FER1L5: variants seen among roughly 807,000 people sequenced by gnomAD.
FER1L5 encodes fer-1 like family member 5.
A neutral mutation model predicts 279.9 loss-of-function variants in FER1L5; 187 were observed. That is an observed-to-expected ratio of 0.67 (90% CI 0.59 to 0.75). The LOEUF is 0.75. Among genes scored for constraint, FER1L5 ranks in the 30% least tolerant of loss-of-function variants. The pLI is 0.00. For synonymous variants in FER1L5, 921 were observed against 989.7 expected (o/e 0.93, Z 1.30); for missense variants, 2,091 against 2,594.4 (o/e 0.81, Z 4.21).
rs904720028 is a variant in FER1L5 at position 96,687,801 on chromosome 2, C to G, written c.2230-15C>G. 38 of 1,550,654 alleles carry G rather than the reference C, an allele frequency of 2.5e-5. No homozygotes were observed. The highest frequency in any genetic ancestry group is 1.4e-4 in the Admixed American group (7 of 50,962). Reference sequence around the variant, plus strand: ...TGTTTAGTGCCCCTGTGGGACCGATCGGCCTCTGGCTCAGTACCCAGAGGG... The same window carrying G: ...TGTTTAGTGCCCCTGTGGGACCGATGGGCCTCTGGCTCAGTACCCAGAGGG... On this transcript the variant is annotated splice_polypyrimidine_tract_variant and intron_variant, in intron 23 of 52. Transcript: ENST00000624922.
In FER1L5 at chr2:96,691,953, C is replaced by T. The variant is rs961201367; in HGVS notation, c.3204C>T (p.Cys1068=). The change falls in exon 30 of 53, where the codon TGC becomes TGT. Residue 1068 remains cysteine (C), a synonymous_variant. Coordinates refer to ENST00000624922, the MANE Select transcript of FER1L5 (RefSeq NM_001293083.2). The surrounding 1 kb of genome is among the most constrained non-coding windows in gnomAD (Gnocchi z 6.0). ...CCCCCAACTTGCCCTTCATCTACTG[C>T]ACCTTCAATAGTAAGCACTGACTTG... The part of the protein sequence containing the change: ...TRPPNLPFIY[C]TFNKPHYYQL... 9 of 1,548,792 alleles carry T rather than the reference C, an allele frequency of 5.8e-6. No homozygotes were observed. The highest frequency in any genetic ancestry group is 7.9e-6 in the Non-Finnish European group (9 of 1,146,486).
chr2:96,691,318 A>G lies in FER1L5; in HGVS notation c.2872A>G (p.Ser958Gly). Residue 958 changes from serine to glycine, a missense_variant, in exon 28 of 53, where the codon AGC (serine) becomes GGC (glycine). By Grantham distance (56) the Ser-to-Gly change is moderately conservative (BLOSUM62 0). Coordinates refer to ENST00000624922, the MANE Select transcript of FER1L5 (RefSeq NM_001293083.2). This position sits in a 1 kb window ranked among gnomAD's most constrained non-coding sequence, Gnocchi z 6.0. ...GCGCTTCAGGAACCATGGGGAGCTGAGCCACGAGCAGGAGACCCTCTCCTT... is the reference window on the plus strand; with the variant it reads ...GCGCTTCAGGAACCATGGGGAGCTGGGCCACGAGCAGGAGACCCTCTCCTT... ...RVRFRNHGELSHEQETLSFLQ... is the reference protein window; with the variant it reads ...RVRFRNHGELGHEQETLSFLQ... The G allele has an allele frequency of 6.4e-7, 1 of 1,550,410 alleles. No individual in the cohort carries two copies. The highest frequency in any genetic ancestry group is 8.7e-7 in the Non-Finnish European group (1 of 1,146,716).
intron 12 of FER1L5, 21 bp downstream of exon 12, chr2:96,661,812 G>C: frequency 6.4e-7 from 1 of 1,550,950 alleles, no homozygotes. Context: ...GGGTGCAGGG[G>C]AGGGAGCAGC....
chr2:96,659,864 T>C (rs2075891717), intron 9 of FER1L5, among the ~76,000 whole-genome samples: 1 of 152,140 alleles, frequency 6.6e-6, no homozygotes, highest in African/African-American at 2.4e-5. Context: ...CATAATGTTC[T>C]GTGGCAGCTT....
Position 96,689,232 on chromosome 2 carries a change from A to G in FER1L5, c.2381A>G (p.Tyr794Cys). The G allele has an allele frequency of 6.4e-7, 1 of 1,550,414 alleles. No homozygotes were observed. The highest frequency in any genetic ancestry group is 2.4e-5 in the East Asian group (1 of 40,830). ...CCCTAGTATGAGAATCAGGCCAAGT[A>G]TAAAGACCAGTGGGGGCAGCAGGGG... is the stretch of plus-strand genomic sequence containing the variant. The part of the protein sequence containing the change: ...YAEMYENQAK[Y>C]KDQWGQQGLY... Residue 794 changes from tyrosine to cysteine, a missense_variant, in exon 25 of 53, where the codon TAT (tyrosine) becomes TGT (cysteine). Coordinates refer to ENST00000624922, the MANE Select transcript of FER1L5 (RefSeq NM_001293083.2). This position sits in a 1 kb window ranked among gnomAD's most constrained non-coding sequence, Gnocchi z 4.6.
Position 96,693,604 on chromosome 2 carries a change from C to T in FER1L5, c.3391C>T (p.His1131Tyr), listed in dbSNP as rs1349471543. Reference sequence around the variant, plus strand: ...ATGGGCCCAGACACTCATCTTCCAGCACCTCCTTCTGTACGAGAACCCACA... The same window carrying T: ...ATGGGCCCAGACACTCATCTTCCAGTACCTCCTTCTGTACGAGAACCCACA... ...PTWAQTLIFQ[H>Y]LLLYENPQDT... Residue 1131 changes from histidine to tyrosine, a missense_variant, in exon 32 of 53, where the codon CAC becomes TAC. By Grantham distance (83) the His-to-Tyr change is moderately conservative. Transcript: ENST00000624922. 6.4e-7 allele frequency: 1 copy of T among 1,551,730 alleles called. No homozygotes were observed. The highest frequency in any genetic ancestry group is 1.2e-5 in the South Asian group (1 of 84,060).
chr2:96,644,845 T>C (rs2075050038), intron 1 of FER1L5, among the ~76,000 whole-genome samples: 1 of 152,162 alleles, frequency 6.6e-6, no homozygotes, highest in Non-Finnish European at 1.5e-5. Flanking sequence ...TTTGCCCTGA[T>C]TGACTAATTT....
At position 96,704,655 on chromosome 2, in the gene FER1L5, G is replaced by A. The variant is rs138990767; in HGVS notation, c.6137G>A (p.Ser2046Asn). 1.9e-6 allele frequency: 3 copies of A among 1,614,000 alleles called. No homozygotes were observed. Among genetic ancestry groups the A allele is most frequent in the Non-Finnish European group, 2.5e-6 (3 of 1,179,906 alleles). Residue 2046 changes from serine to asparagine, a missense_variant, in exon 53 of 53, where the codon AGT becomes AAT. Transcript: ENST00000624922. Reference protein sequence around the residue: ...KLHPGPTNHLSDIFPELPAPG... With the variant: ...KLHPGPTNHLNDIFPELPAPG... ...CACCCAGGACCCACAAATCACCTGAGTGATATTTTCCCAGAACTTCCAGCC... is the reference window on the plus strand; with the variant it reads ...CACCCAGGACCCACAAATCACCTGAATGATATTTTCCCAGAACTTCCAGCC...
Position 96,700,340 on chromosome 2 carries a change from AC to A in FER1L5, c.4943del (p.Pro1648LeufsTer93). 1 of 1,612,840 alleles carries A rather than the reference AC, an allele frequency of 6.2e-7. No individual in the cohort carries two copies. Among genetic ancestry groups the A allele is most frequent in the Non-Finnish European group, 8.5e-7 (1 of 1,179,784 alleles). On this transcript the variant is annotated frameshift_variant, in exon 45 of 53. Coordinates refer to ENST00000624922, the MANE Select transcript of FER1L5 (RefSeq NM_001293083.2). LOFTEE classifies it high-confidence loss of function. ...ATCCCCCTCCAATCCAGAGCCCAAA[AC>A]CCCTACTGTTCATGGTTTGGGACCC... ...KFKLQSFEPK[T>X]PTVHGLGPKK...
intron 23 of FER1L5, among the ~76,000 whole-genome samples, chr2:96,687,189 C>G (rs986314153): frequency 2.0e-5 from 3 of 152,216 alleles, no homozygotes; most frequent in Non-Finnish European, 2.9e-5. Context: ...GCCTTGCCAC[C>G]TGGCCCCTGG....
chr2:96,687,664 GCCATT>G lies in FER1L5; in HGVS notation c.2230-150_2230-146del, dbSNP rs2076980923. 3 of 1,221,030 alleles carry G rather than the reference GCCATT, an allele frequency of 2.5e-6. No individual in the cohort carries two copies. The South Asian group carries it at 4.6e-5, about 19-fold the overall frequency. The allele number at this position is 1,221,030 out of a possible 1,614,324, so 75.6% of individuals were successfully genotyped here. ...TCTGGAGGGCAGAACAGAACTCCAT[GCCATT>G]CACTTACAGCTCCAGCACTCAGCTC... On this transcript the variant is annotated intron_variant, in intron 23 of 52. Coordinates refer to ENST00000624922, the MANE Select transcript of FER1L5 (RefSeq NM_001293083.2).
In FER1L5 at chr2:96,693,902, C is replaced by A. The variant is rs1337255330; in HGVS notation, c.3475-9C>A. ...TGGCCTCCATGCTTTGTGAACTTCC[C>A]CCCTCCAGGGCAAGGAGAGCTTGTG... is the stretch of plus-strand genomic sequence containing the variant. On this transcript the variant is annotated splice_polypyrimidine_tract_variant and intron_variant, in intron 32 of 52. Coordinates refer to ENST00000624922, the MANE Select transcript of FER1L5 (RefSeq NM_001293083.2). The A allele has an allele frequency of 3.9e-6, 6 of 1,540,018 alleles. 1 individual carries two copies. In the Admixed American group the frequency reaches 8.1e-5, roughly 21 times the overall value.
intron 2 of FER1L5, among the ~76,000 whole-genome samples, chr2:96,646,799 G>T (rs1049760204): frequency 1.3e-5 from 2 of 152,150 alleles, no homozygotes; most frequent in Admixed American, 1.3e-4. Flanking sequence ...ACTCCATGCT[G>T]CCCCTCACCC....
intron 4 of FER1L5, among the ~76,000 whole-genome samples, chr2:96,649,008 G>C (rs1326836676): frequency 6.6e-6 from 1 of 151,934 alleles, no homozygotes; most frequent in African/African-American, 2.4e-5. Context: ...GGCAGGGTGA[G>C]GGAGGGTGTA....
Position 96,702,613 on chromosome 2 carries a change from C to G in FER1L5, c.5269C>G (p.Leu1757Val). Residue 1757 changes from leucine to valine, a missense_variant, in exon 48 of 53, where the codon CTG becomes GTG. Leu to Val is a conservative substitution (Grantham distance 32). Coordinates refer to ENST00000624922, the MANE Select transcript of FER1L5 (RefSeq NM_001293083.2). The surrounding 1 kb of genome is among the most constrained non-coding windows in gnomAD (Gnocchi z 4.0). ...DIYIKGWLYG[L>V]EKDMQKTDIH... ...CTCTGGCCCCAGGTGGTTATACGGGCTGGAGAAGGACATGCAGAAGACAGA... is the reference window on the plus strand; with the variant it reads ...CTCTGGCCCCAGGTGGTTATACGGGGTGGAGAAGGACATGCAGAAGACAGA... 1 of 1,578,302 alleles carries G rather than the reference C, an allele frequency of 6.3e-7. No homozygotes were observed. The highest frequency in any genetic ancestry group is 8.6e-7 in the Non-Finnish European group (1 of 1,162,380).
At chr2:96,662,192 A>G (rs1256683384) in intron 12 of FER1L5, 23 bp from the exon 13 acceptor site, 1 of 1,550,958 alleles carries the variant, frequency 6.4e-7, no homozygotes. Context: ...TGGCTCAGAT[A>G]TCTTTTAACT....
rs1425587248 is a variant in FER1L5, at chr2:96,702,844, A to G, written c.5397+103A>G. On this transcript the variant is annotated intron_variant, in intron 48 of 52. Coordinates refer to ENST00000624922, the MANE Select transcript of FER1L5 (RefSeq NM_001293083.2). This position sits in a 1 kb window ranked among gnomAD's most constrained non-coding sequence, Gnocchi z 4.0. ...CCAGAGGCTTGCAATCTGTCCCAGA[A>G]CATCAGAAACATGTCCTCAGGTGGA... The G allele has an allele frequency of 6.5e-7, 1 of 1,540,840 alleles. No individual in the cohort carries two copies. Among genetic ancestry groups the G allele is most frequent in the African/African-American group, 1.4e-5 (1 of 73,054 alleles).
At chr2:96,658,659 G>A (rs1037897722) in intron 9 of FER1L5, among the ~76,000 whole-genome samples, 1 of 152,054 alleles carries the variant, frequency 6.6e-6, no homozygotes, top group Admixed American at 6.5e-5. Context: ...AGTTTCAGTT[G>A]CCCCACATTC....
intron 19 of FER1L5, among the ~76,000 whole-genome samples, chr2:96,675,408 C>A (rs1023107775): frequency 6.6e-6 from 1 of 151,990 alleles, no homozygotes; most frequent in African/African-American, 2.4e-5. Context: ...TATTGCCCAG[C>A]CTTTTTTAAA....
Sources: allele counts gnomAD v4.1 joint callset (sites outside exome capture counted in the v4.1 genomes callset), GRCh38; gene constraint gnomAD v4.1.1; non-coding constraint Gnocchi (gnomAD v3.1); transcripts MANE v1.5; gene names NCBI Gene and HGNC (gene_info 2026-07-23, HGNC 2026-07-21).